Variants in ARMC5 observed in about 807,000 individuals in gnomAD.
ARMC5 encodes armadillo repeat containing 5, also known as armadillo repeat-containing protein 5.
A neutral mutation model predicts 60.5 loss-of-function variants in ARMC5; 28 were observed. The ratio of observed to expected loss-of-function variants is 0.46; its 90% CI spans 0.34 to 0.63. ARMC5 has a LOEUF of 0.63. Among genes scored for constraint, ARMC5 ranks in the 30% least tolerant of loss-of-function variants. The pLI is 0.01. For missense variants in ARMC5, 1,189 were observed against 1,304.9 expected (o/e 0.91, Z 1.37); for synonymous variants, 680 against 607.3 (o/e 1.12, Z -1.76).
In ARMC5 at chr16:31,459,579, C is replaced by T. The variant is rs1361004429; in HGVS notation, c.55C>T (p.Leu19Phe). The T allele has an allele frequency of 1.2e-6, 2 of 1,604,210 alleles. No homozygotes were observed. The highest frequency in any genetic ancestry group is 1.7e-5 in the Admixed American group (1 of 59,846). The change falls in exon 1 of 6, where the codon CTC becomes TTC. Residue 19 changes from leucine to phenylalanine, a missense_variant. Transcript: ENST00000268314. The part of the protein sequence containing the change: ...TDSLSFCLAQ[L>F]AAAAGEALGG... ...CTCGCTCTCGTTCTGCCTCGCGCAG[C>T]TCGCGGCGGCGGCCGGGGAGGCTCT... is the stretch of plus-strand genomic sequence containing the variant.
At chr16:31,465,727 C>G in intron 4 of ARMC5, 123 bp from the exon 5 acceptor site, 1 of 1,530,726 alleles carries the variant, frequency 6.5e-7, no homozygotes, top group African/African-American at 1.4e-5. Context: ...ACTGTCTCTT[C>G]AGTGCCCTGA....
chr16:31,465,765 T>C, intron 4 of ARMC5, 85 bp from the exon 5 acceptor site: 2 of 1,580,406 alleles, frequency 1.3e-6, no homozygotes, highest in Admixed American at 3.7e-5. Flanking sequence ...TCACCCTCCT[T>C]CATCTCACGG....
chr16:31,463,480 G>A (rs1201230529), intron 3 of ARMC5, among the ~76,000 whole-genome samples: 1 of 152,186 alleles, frequency 6.6e-6, no homozygotes, highest in Non-Finnish European at 1.5e-5. Flanking sequence ...TGGGATATAC[G>A]CTGGTTAAGA....
chr16:31,465,304 C>G (rs1424490407), intron 4 of ARMC5: 86 of 1,460,296 alleles, frequency 5.9e-5, no homozygotes, highest in Non-Finnish European at 7.5e-5. Flanking sequence ...CAGGCTGCTT[C>G]ATGGCGTTAC....
chr16:31,459,617 G>A lies in ARMC5; in HGVS notation c.93G>A (p.Lys31=). ...CCGGGGAGGCTCTGGGTGGGGAAAA[G>A]GACCCAGCGACCAACGAGACACCCC... ...AAAGEALGGE[K]DPATNETPLS... The change falls in exon 1 of 6, where the codon AAG becomes AAA. Residue 31 remains lysine, a synonymous_variant. Transcript: ENST00000268314. The A allele has an allele frequency of 1.3e-6, 2 of 1,596,620 alleles. No individual in the cohort carries two copies. Among genetic ancestry groups the A allele is most frequent in the Non-Finnish European group, 1.7e-6 (2 of 1,178,140 alleles).
chr16:31,464,557 G>T lies in ARMC5; in HGVS notation c.1534G>T (p.Ala512Ser), dbSNP rs760530028. 3 of 1,583,398 alleles carry T rather than the reference G, an allele frequency of 1.9e-6. No homozygotes were observed. The highest frequency in any genetic ancestry group is 4.6e-5 in the East Asian group (2 of 43,466). The change falls in exon 4 of 6, where the codon GCC becomes TCC. Residue 512 changes from alanine (A) to serine (S), a missense_variant. By Grantham distance (99) the Ala-to-Ser change is moderately conservative. This residue lies in a region of ARMC5 where 862 missense variants were observed against 1,071.2 expected (regional missense o/e 0.80). Transcript: ENST00000268314. This position sits in a 1 kb window ranked among gnomAD's most constrained non-coding sequence, Gnocchi z 7.6. ...CCAACGCACTCCGGGCCGCAGCCCC[G>T]CCGCCGCCATCGAGGAGCCTTGGGG... ...RTQRTPGRSP[A>S]AAIEEPWGRE...
chr16:31,458,462 C>T (rs540568050), upstream of ARMC5: 4 of 1,535,756 alleles, frequency 2.6e-6, no homozygotes, highest in East Asian at 9.8e-5. Context: ...TTAACCAGAT[C>T]AGAGCCACAT....
upstream of ARMC5, chr16:31,458,893 G>T (rs556653862): frequency 6.5e-7 from 1 of 1,535,542 alleles, no homozygotes; most frequent in African/African-American, 1.4e-5. Flanking sequence ...CAGAGCGGAG[G>T]ACACTCGGGA....
At position 31,462,270 on chromosome 16, in the gene ARMC5, G is replaced by A. The variant is rs533167546; in HGVS notation, c.723G>A (p.Pro241=). ...LALAQQGAVR[P]LAELLATAPD... ...TGGCACAGCAGGGAGCAGTGCGTCCGCTGGCCGAGCTCCTGGCCACTGCCC... is the reference window on the plus strand; with the variant it reads ...TGGCACAGCAGGGAGCAGTGCGTCCACTGGCCGAGCTCCTGGCCACTGCCC... Residue 241 remains proline (P), a synonymous_variant, in exon 3 of 6, where the codon CCG becomes CCA. Transcript: ENST00000268314. This position sits in a 1 kb window ranked among gnomAD's most constrained non-coding sequence, Gnocchi z 7.2. 14 of 1,609,284 alleles carry A rather than the reference G, an allele frequency of 8.7e-6. No homozygotes were observed. The highest frequency in any genetic ancestry group is 3.3e-5 in the South Asian group (3 of 91,070).
chr16:31,459,951 G>C lies in ARMC5; in HGVS notation c.427G>C (p.Gly143Arg). 1 of 1,603,146 alleles carries C rather than the reference G, an allele frequency of 6.2e-7. No individual in the cohort carries two copies. The highest frequency in any genetic ancestry group is 8.5e-7 in the Non-Finnish European group (1 of 1,179,546). Reference sequence around the variant, plus strand: ...CATCCTAGCCGATTGCTGTACGGAAGGGGCGTGCCGGACCGAAGTGCGCAG... The same window carrying C: ...CATCCTAGCCGATTGCTGTACGGAACGGGCGTGCCGGACCGAAGTGCGCAG... Reference protein sequence around the residue: ...LSILADCCTEGACRTEVRRLG... With the variant: ...LSILADCCTERACRTEVRRLG... Residue 143 changes from glycine (G) to arginine (R), a missense_variant, in exon 1 of 6, where the codon GGG becomes CGG. Gly to Arg is a moderately radical substitution (Grantham distance 125). This residue lies in a region of ARMC5 where 327 missense variants were observed against 233.7 expected (regional missense o/e 1.40). Transcript: ENST00000268314.
In ARMC5 at chr16:31,466,990, T is replaced by C; in HGVS notation, c.*101T>C. On this transcript the variant is annotated 3_prime_UTR_variant, in exon 6 of 6. Transcript: ENST00000268314. This position sits in a 1 kb window ranked among gnomAD's most constrained non-coding sequence, Gnocchi z 8.0. ...GGAGGCTGAGCAGAAGGAGTCATCATGGAGGAGCGGTGAGAACATGGAACC... is the reference window on the plus strand; with the variant it reads ...GGAGGCTGAGCAGAAGGAGTCATCACGGAGGAGCGGTGAGAACATGGAACC... 5.9e-6 allele frequency: 8 copies of C among 1,354,056 alleles called. No individual in the cohort carries two copies. The highest frequency in any genetic ancestry group is 7.7e-6 in the Non-Finnish European group (8 of 1,038,266). The allele number at this position is 1,354,056 out of a possible 1,614,324, so 83.9% of individuals were successfully genotyped here.
upstream of ARMC5, chr16:31,459,236 C>G: frequency 6.5e-7 from 1 of 1,532,844 alleles, no homozygotes; most frequent in Non-Finnish European, 8.7e-7. Flanking sequence ...CCTGGAGGGC[C>G]CTGGAAGAGT....
At position 31,459,699 on chromosome 16, in the gene ARMC5, G is replaced by A; in HGVS notation, c.175G>A (p.Glu59Lys). ...TRHIKAAGGI[E>K]RFRARGGLRP... The stretch of plus-strand genomic sequence containing the variant: ...CCACATCAAGGCAGCGGGGGGAATC[G>A]AGCGCTTCCGGGCACGCGGCGGGCT... The change falls in exon 1 of 6, where the codon GAG becomes AAG. Residue 59 changes from glutamate to lysine, a missense_variant. Glu to Lys is a moderately conservative substitution (Grantham distance 56). Coordinates refer to ENST00000268314, the MANE Select transcript of ARMC5 (RefSeq NM_001105247.2). 8 of 1,568,346 alleles carry A rather than the reference G, an allele frequency of 5.1e-6. No individual in the cohort carries two copies. Among genetic ancestry groups the A allele is most frequent in the Non-Finnish European group, 6.9e-6 (8 of 1,167,578 alleles).
chr16:31,462,086 T>A lies in ARMC5; in HGVS notation c.584-45T>A, dbSNP rs374316026. ...GCTTGGGGCAGAAGAAAGGCTTGAG[T>A]GTCTGTCCTTGTTCACCCTCTGTGC... On this transcript the variant is annotated intron_variant, in intron 2 of 5. Transcript: ENST00000268314. This position sits in a 1 kb window ranked among gnomAD's most constrained non-coding sequence, Gnocchi z 7.2. The A allele has an allele frequency of 1.9e-6, 3 of 1,612,962 alleles. No individual in the cohort carries two copies. The highest frequency in any genetic ancestry group is 2.5e-6 in the Non-Finnish European group (3 of 1,179,388).
At position 31,464,291 on chromosome 16, in the gene ARMC5, TTAAAA is replaced by T; in HGVS notation, c.1371-102_1371-98del. On this transcript the variant is annotated intron_variant, in intron 3 of 5. Coordinates refer to ENST00000268314, the MANE Select transcript of ARMC5 (RefSeq NM_001105247.2). The surrounding 1 kb of genome is among the most constrained non-coding windows in gnomAD (Gnocchi z 7.6). The stretch of plus-strand genomic sequence containing the variant: ...GGCTATAGAGGGATACCACATTTCT[TTAAAA>T]AAAAAAAAAAAAAAAAAAAAGACGC... The T allele has an allele frequency of 1.1e-6, 1 of 950,810 alleles. No homozygotes were observed. The highest frequency in any genetic ancestry group is 1.4e-6 in the Non-Finnish European group (1 of 694,742). The allele number at this position is 950,810 out of a possible 1,614,324, so 58.9% of individuals were successfully genotyped here. A position where few individuals can be genotyped will look rare whatever the true frequency, so the allele number is the denominator to read the frequency against.
chr16:31,463,056 G>A (rs558063878), intron 3 of ARMC5, 139 bp downstream of exon 3: 4 of 902,716 alleles, frequency 4.4e-6, no homozygotes, highest in African/African-American at 1.7e-5. Context: ...ATTCCCACAC[G>A]ACCACCTGCC....
chr16:31,464,913 C>T lies in ARMC5; in HGVS notation c.1864+26C>T, dbSNP rs2082339673. 1.2e-6 allele frequency: 2 copies of T among 1,610,526 alleles called. No individual in the cohort carries two copies. The highest frequency in any genetic ancestry group is 1.7e-6 in the Non-Finnish European group (2 of 1,179,694). ...GTGAGTTCCCATACCCACCCGTCTC[C>T]TTGCCCCCATGTGAGTCCCCATCCT... is the stretch of plus-strand genomic sequence containing the variant. On this transcript the variant is annotated intron_variant, in intron 4 of 5. Transcript: ENST00000268314. This position sits in a 1 kb window ranked among gnomAD's most constrained non-coding sequence, Gnocchi z 7.6.
upstream of ARMC5, chr16:31,459,093 C>T (rs2082273343): frequency 6.7e-7 from 1 of 1,483,838 alleles, no homozygotes. Context: ...AAGGCCGGGC[C>T]GCACCACCGC....
Position 31,464,412 on chromosome 16 carries a change from G to A in ARMC5, c.1389G>A (p.Glu463=), listed in dbSNP as rs1442685820. The A allele has an allele frequency of 2.0e-6, 3 of 1,536,060 alleles. No homozygotes were observed. The South Asian group carries it at 3.8e-5, about 19-fold the overall frequency. ...FRSLRSWLIS[E]GYATGPDDIS... ...TCCGCAGGTCGTGGCTGATCTCCGA[G>A]GGCTATGCCACAGGCCCTGATGACA... The change falls in exon 4 of 6, where the codon GAG becomes GAA. Residue 463 remains glutamate (E), a synonymous_variant. Transcript: ENST00000268314. The surrounding 1 kb of genome is among the most constrained non-coding windows in gnomAD (Gnocchi z 7.6).
Sources: allele counts gnomAD v4.1 joint callset (sites outside exome capture counted in the v4.1 genomes callset), GRCh38; gene constraint gnomAD v4.1.1; regional missense constraint gnomAD v4.1.1; non-coding constraint Gnocchi (gnomAD v3.1); transcripts MANE v1.5; gene names NCBI Gene and HGNC (gene_info 2026-07-23, HGNC 2026-07-21).